TMEM144: variants seen among roughly 807,000 people sequenced by gnomAD.
TMEM144 encodes the protein transmembrane protein 144.
In TMEM144, 39 loss-of-function variants were observed where a neutral mutation model predicts 43.6. The ratio of observed to expected loss-of-function variants is 0.90; its 90% confidence interval spans 0.69 to 1.17. The LOEUF is 1.17. Among genes scored for constraint, TMEM144 ranks in the 50% most tolerant of loss-of-function variants. TMEM144 has a pLI of 0.00. For synonymous variants in TMEM144, 154 were observed against 133.6 expected, an observed-to-expected ratio of 1.15 and a Z score of -1.06; for missense variants, 417 against 411.9, an observed-to-expected ratio of 1.01 and a Z score of -0.11.
At chr4:158,243,394 C>G (rs887149851) in intron 11 of TMEM144, among the ~76,000 whole-genome samples, 13 of 152,152 alleles carry the variant, frequency 8.5e-5, no homozygotes, top group Admixed American at 7.2e-4. Context: ...AATCAAACTT[C>G]ATTGACTCAG....
intron 11 of TMEM144, 152 bp downstream of exon 11, chr4:158,241,758 G>A: frequency 1.7e-6 from 1 of 587,992 alleles, no homozygotes; most frequent in East Asian, 3.0e-5. Context: ...TGACCCTCTT[G>A]AATCTTCATG....
At chr4:158,243,350 TA>T (rs753392633) in intron 11 of TMEM144, among the ~76,000 whole-genome samples, 4 of 152,316 alleles carry the variant, frequency 2.6e-5, no homozygotes, top group South Asian at 2.1e-4. Flanking sequence ...GAGAGGAGTG[TA>T]TTTTTTTTGT....
chr4:158,215,465 C>T, intron 4 of TMEM144, 152 bp downstream of exon 4: 5 of 970,558 alleles, frequency 5.2e-6, no homozygotes, highest in Non-Finnish European at 7.1e-6. Flanking sequence ...TTCACATGCT[C>T]AATGAATATT....
chr4:158,241,851 T>C (rs1267181679), intron 11 of TMEM144, among the ~76,000 whole-genome samples: 1 of 152,208 alleles, frequency 6.6e-6, no homozygotes, highest in Non-Finnish European at 1.5e-5. Flanking sequence ...CAGTTTTTGG[T>C]TTGATTGGTT....
intron 6 of TMEM144, among the ~76,000 whole-genome samples, chr4:158,228,508 C>T (rs528383333): frequency 6.6e-6 from 1 of 152,306 alleles, no homozygotes; most frequent in Admixed American, 6.5e-5. Context: ...GTCTGGACTC[C>T]AAGTACCAGT....
intron 6 of TMEM144, among the ~76,000 whole-genome samples, chr4:158,231,400 A>G (rs1560829915): frequency 6.6e-6 from 1 of 152,210 alleles, no homozygotes; most frequent in Non-Finnish European, 1.5e-5. Context: ...CCTATAGTTC[A>G]AAGTACTCAG....
rs754209104 is a variant in TMEM144, at chr4:158,241,557, T to C, written c.851T>C (p.Ile284Thr). Residue 284 changes from isoleucine to threonine, a missense_variant, in exon 11 of 13, where the codon ATA (isoleucine) becomes ACA (threonine). Physicochemically the swap from Ile to Thr is moderately conservative, Grantham distance 89 (BLOSUM62 -1). Coordinates refer to ENST00000296529, the MANE Select transcript of TMEM144 (RefSeq NM_018342.5). ...LWAIATCCWF[I>T]ANHSLSAVVS... is the part of the protein sequence containing the mutation. ...GCTATAGCTACCTGCTGTTGGTTCA[T>C]AGCAAATCACTCTCTGAGTGCTGTG... 5.0e-6 allele frequency: 8 copies of C among 1,614,032 alleles called. No homozygotes were observed. In the Admixed American group the frequency reaches 5.0e-5, roughly 10 times the overall value.
chr4:158,231,044 T>TCGG (rs1181862981), intron 6 of TMEM144, among the ~76,000 whole-genome samples: 5 of 152,236 alleles, frequency 3.3e-5, no homozygotes, highest in African/African-American at 1.2e-4. Context: ...ACCCGCCTGT[T>TCGG]CGGATTCTTC....
intron 12 of TMEM144, among the ~76,000 whole-genome samples, chr4:158,245,591 T>C (rs546170661): frequency 6.6e-6 from 1 of 152,150 alleles, no homozygotes; most frequent in East Asian, 1.9e-4. Flanking sequence ...CAATAAATGC[T>C]CAGTTAATTT....
At chr4:158,245,912 A>G (rs1226997070) in intron 12 of TMEM144, among the ~76,000 whole-genome samples, 1 of 152,072 alleles carries the variant, frequency 6.6e-6, no homozygotes, top group African/African-American at 2.4e-5. Context: ...TGGACAGCTG[A>G]GTGAAACCCT....
rs1194578298 is a variant in TMEM144 at position 158,254,442 on chromosome 4, T to G, written c.*915T>G. The G allele has an allele frequency of 4.0e-5, 6 of 150,576 alleles. No individual in the cohort carries two copies. The highest frequency in any genetic ancestry group is 2.0e-4 in the East Asian group (1 of 5,118). The allele number at this position is 150,576 out of a possible 1,614,324, so 9.3% of individuals were successfully genotyped here. ...AAAATGACAGGCATGCTAGTTTTTT[T>G]TTTTTTTTTTTTTTTTTAAGAAAAC... On this transcript the variant is annotated 3_prime_UTR_variant, in exon 13 of 13. Coordinates refer to ENST00000296529, the MANE Select transcript of TMEM144 (RefSeq NM_018342.5).
intron 12 of TMEM144, among the ~76,000 whole-genome samples, chr4:158,245,609 G>C (rs1223553443): frequency 6.6e-6 from 1 of 152,076 alleles, no homozygotes; most frequent in Non-Finnish European, 1.5e-5. Context: ...TTTTGGGGGT[G>C]AGGGTCATAT....
rs2111164346 is a variant in TMEM144 at position 158,255,279 on chromosome 4, C to A, written c.*1752C>A. ...GATAAACTTTGAATAAATTGTGATA[C>A]AAAAGCTATTTTTCTCATTTAAATA... On this transcript the variant is annotated 3_prime_UTR_variant, in exon 13 of 13. Transcript: ENST00000296529. 6.6e-6 allele frequency: 1 copy of A among 151,850 alleles called. No homozygotes were observed. Among genetic ancestry groups the A allele is most frequent in the South Asian group, 2.1e-4 (1 of 4,814 alleles). The allele number at this position is 151,850 out of a possible 1,614,324, so 9.4% of individuals were successfully genotyped here. A position where few individuals can be genotyped will look rare whatever the true frequency, so the allele number is the denominator to read the frequency against.
At chr4:158,237,278 T>A in intron 8 of TMEM144, 2 of 384,350 alleles carry the variant, frequency 5.2e-6, no homozygotes, top group Middle Eastern at 6.9e-4. Flanking sequence ...TAATCCATTT[T>A]AATTTCTATA....
At chr4:158,249,001 G>A (rs778034971) in intron 12 of TMEM144, among the ~76,000 whole-genome samples, 2 of 152,092 alleles carry the variant, frequency 1.3e-5, no homozygotes, top group South Asian at 2.1e-4. Flanking sequence ...CCACCTCCTG[G>A]GTTCAAGCGA....
chr4:158,229,827 A>T (rs1489787940), intron 6 of TMEM144, among the ~76,000 whole-genome samples: 1 of 152,230 alleles, frequency 6.6e-6, no homozygotes, highest in Non-Finnish European at 1.5e-5. Context: ...TTGGGGATCA[A>T]GCTCTCCAGC....
chr4:158,248,665 A>C (rs543390724), intron 12 of TMEM144, among the ~76,000 whole-genome samples: 1 of 152,344 alleles, frequency 6.6e-6, no homozygotes, highest in African/African-American at 2.4e-5. Context: ...AACAGGACAA[A>C]AACCCCTAAA....
intron 8 of TMEM144, among the ~76,000 whole-genome samples, chr4:158,236,766 C>T (rs925557643): frequency 2.0e-5 from 3 of 151,828 alleles, no homozygotes; most frequent in African/African-American, 7.3e-5. Context: ...GGATTATAGG[C>T]GAAAGCCACC....
chr4:158,221,243 C>T (rs1450802031), intron 6 of TMEM144, among the ~76,000 whole-genome samples: 1 of 151,986 alleles, frequency 6.6e-6, no homozygotes, highest in Non-Finnish European at 1.5e-5. Context: ...CCCAGTTGAG[C>T]AAAAGAAGGA....
Sources: gnomAD v4.1 joint callset for allele counts (sites outside exome capture counted in the v4.1 genomes callset) on GRCh38, gnomAD v4.1.1 for gene constraint, MANE v1.5 for transcripts, NCBI Gene and HGNC (gene_info 2026-07-23, HGNC 2026-07-21) for gene names.